The following UGGT2 variants were observed in gnomAD, a reference collection of about 807,000 sequenced individuals.
UGGT2 encodes the protein UDP-glucose glycoprotein glucosyltransferase 2, also known as UDP-glucose:glycoprotein glucosyltransferase 2.
Under a neutral mutation model 192.1 loss-of-function variants are expected in UGGT2, and 180 were observed. That is an observed-to-expected ratio of 0.94 (90% CI 0.83 to 1.06). The LOEUF (loss-of-function observed/expected upper bound fraction) is 1.06. Among genes scored for constraint, UGGT2 ranks in the 50% least tolerant of loss-of-function variants. The pLI is 0.00. For missense variants in UGGT2, 1,849 were observed against 1,795.7 expected (o/e 1.03, Z -0.54); for synonymous variants, 580 against 591.0 (o/e 0.98, Z 0.27).
In UGGT2 at chr13:96,015,468, T is replaced by C. The variant is rs545731872; in HGVS notation, c.486-1987A>G. 3.9e-5 allele frequency among the ~76,000 whole-genome samples: 6 copies of C among 152,266 alleles called. No homozygotes were observed. The South Asian group carries it at 6.2e-4, about 16-fold the overall frequency. ...CTTCCTTCCTGTACCTATAGACACA[T>C]AACTTTCAAAATTTGCTTTTATGAT... On this transcript the variant is annotated intron_variant, in intron 4 of 38. Coordinates refer to ENST00000376747, the MANE Select transcript of UGGT2 (RefSeq NM_020121.4).
At chr13:95,902,529 C>G (rs572762071) in intron 21 of UGGT2, among the ~76,000 whole-genome samples, 1 of 151,846 alleles carries the variant, frequency 6.6e-6, no homozygotes, top group East Asian at 1.9e-4. Context: ...GAAACCCCCC[C>G]CATAATGGAC....
chr13:95,887,280 T>C (rs1296242176), intron 26 of UGGT2: 1 of 516,368 alleles, frequency 1.9e-6, no homozygotes, highest in East Asian at 5.5e-5. Context: ...TACCCTGTTT[T>C]CTGCCCAATG....
At chr13:95,871,779 C>G (rs538474984) in intron 29 of UGGT2, among the ~76,000 whole-genome samples, 1 of 152,238 alleles carries the variant, frequency 6.6e-6, no homozygotes, top group African/African-American at 2.4e-5. Context: ...ATATGGCAAC[C>G]AGGAGGTATG....
At chr13:95,946,093 T>C (rs897621423) in intron 15 of UGGT2, among the ~76,000 whole-genome samples, 1 of 152,206 alleles carries the variant, frequency 6.6e-6, no homozygotes, top group Non-Finnish European at 1.5e-5. Flanking sequence ...TGACTTTTCT[T>C]AATAACAACA....
intron 38 of UGGT2, among the ~76,000 whole-genome samples, chr13:95,827,626 T>C (rs965294413): frequency 6.6e-6 from 1 of 152,114 alleles, no homozygotes; most frequent in African/African-American, 2.4e-5. Context: ...AGCAAACTAA[T>C]ATAATGAAAA....
At chr13:96,031,264 G>A (rs2052826082) in intron 2 of UGGT2, among the ~76,000 whole-genome samples, 1 of 152,128 alleles carries the variant, frequency 6.6e-6, no homozygotes, top group Non-Finnish European at 1.5e-5. Context: ...ATTACTAGAT[G>A]CAAAATTATT....
chr13:95,850,604 A>G (rs1209276468), intron 36 of UGGT2, among the ~76,000 whole-genome samples: 1 of 152,248 alleles, frequency 6.6e-6, no homozygotes, highest in Non-Finnish European at 1.5e-5. Context: ...CGGGCCCAAC[A>G]GCATGAGCTC....
chr13:95,856,825 T>A (rs1178807381), intron 33 of UGGT2: 1 of 214,580 alleles, frequency 4.7e-6, no homozygotes, highest in African/African-American at 2.4e-5. Context: ...ATGTTTGAGA[T>A]ATATCATTAT....
rs957054393 is a variant in UGGT2, at chr13:96,017,357, C to G, written c.486-3876G>C. Among the ~76,000 whole-genome samples, 4 of 152,168 alleles carry G rather than the reference C, an allele frequency of 2.6e-5. No individual in the cohort carries two copies. In the East Asian group the frequency reaches 7.7e-4, roughly 29 times the overall value. On this transcript the variant is annotated intron_variant, in intron 4 of 38. Transcript: ENST00000376747. ...GTTGAAATGCAATTCCCAGGGGCCC[C>G]CCTTACTCTCTTGCTCATGCTCTCA...
At chr13:95,892,229 A>T (rs1462790006) in intron 24 of UGGT2, among the ~76,000 whole-genome samples, 1 of 152,142 alleles carries the variant, frequency 6.6e-6, no homozygotes, top group Non-Finnish European at 1.5e-5. Context: ...AGTTGTATGA[A>T]GCAGAATTCC....
chr13:95,919,610 C>A (rs183696749), intron 20 of UGGT2, among the ~76,000 whole-genome samples: 3 of 151,868 alleles, frequency 2.0e-5, no homozygotes, highest in Non-Finnish European at 2.9e-5. Context: ...ACAATTGCTA[C>A]AAAATGAATA....
chr13:95,972,809 A>G lies in UGGT2; in HGVS notation c.1093-138T>C, dbSNP rs2050817521. 6 of 606,166 alleles carry G rather than the reference A, an allele frequency of 9.9e-6. No individual in the cohort carries two copies. The South Asian group carries it at 1.1e-4, about 11-fold the overall frequency. The allele number at this position is 606,166 out of a possible 1,614,324, so 37.5% of individuals were successfully genotyped here. A position where few individuals can be genotyped will look rare whatever the true frequency, so the allele number is the denominator to read the frequency against. Reference sequence around the variant, plus strand: ...AGGCCATACAGTCTCTGTTGCAATTATTGATCTCTGCCTTTGTATCTTTAG... The same window carrying G: ...AGGCCATACAGTCTCTGTTGCAATTGTTGATCTCTGCCTTTGTATCTTTAG... On this transcript the variant is annotated intron_variant, in intron 10 of 38. Coordinates refer to ENST00000376747, the MANE Select transcript of UGGT2 (RefSeq NM_020121.4).
intron 7 of UGGT2, among the ~76,000 whole-genome samples, chr13:95,993,053 T>C (rs149846055): frequency 8.3e-4 from 127 of 152,218 alleles, no homozygotes; most frequent in African/African-American, 2.8e-3. Context: ...AAAAAGACAA[T>C]GGGATACATA....
rs1478487624 is a variant in UGGT2 at position 95,832,970 on chromosome 13, TATCTC to T, written c.4480_4484del (p.Glu1494LysfsTer8). ...TTTCAAGATGATCTAATAGTTGTCT[TATCTC>T]AGCATCATACTCCACCCATTCTGGG... On this transcript the variant is annotated frameshift_variant, in exon 38 of 39. Transcript: ENST00000376747. LOFTEE classifies it high-confidence loss of function. The T allele has an allele frequency of 6.2e-7, 1 of 1,612,802 alleles. No individual in the cohort carries two copies. The highest frequency in any genetic ancestry group is 1.7e-5 in the Admixed American group (1 of 59,908).
chr13:95,909,779 T>TAAA (rs1174123842), intron 20 of UGGT2, among the ~76,000 whole-genome samples: 4 of 87,334 alleles, frequency 4.6e-5, no homozygotes, highest in East Asian at 2.8e-4. Context: ...ATAATAATAA[T>TAAA]AAAAAAGATT....
At chr13:96,023,380 A>C (rs370050635) in intron 3 of UGGT2, among the ~76,000 whole-genome samples, 1 of 152,104 alleles carries the variant, frequency 6.6e-6, no homozygotes, top group East Asian at 1.9e-4. Flanking sequence ...AATTCTATTA[A>C]AATTTTATGA....
In UGGT2 at chr13:96,048,531, A is replaced by T. The variant is rs145287327; in HGVS notation, c.158+4624T>A. 3.3e-5 allele frequency among the ~76,000 whole-genome samples: 5 copies of T among 152,006 alleles called. No homozygotes were observed. In the South Asian group the frequency reaches 1.0e-3, roughly 32 times the overall value. ...AGACACAAGAAAACCATTCAAAAAA[A>T]TATCAATGAATTCAGGAGCTGGTTT... On this transcript the variant is annotated intron_variant, in intron 1 of 38. Transcript: ENST00000376747.
At chr13:95,891,760 A>G (rs2047807092) in intron 24 of UGGT2, among the ~76,000 whole-genome samples, 1 of 152,184 alleles carries the variant, frequency 6.6e-6, no homozygotes, top group Non-Finnish European at 1.5e-5. Flanking sequence ...AAAGGTTACC[A>G]AATCAAGAGG....
intron 36 of UGGT2, among the ~76,000 whole-genome samples, chr13:95,849,936 T>TC (rs1491460258): frequency 1.3e-5 from 2 of 150,830 alleles, no homozygotes; most frequent in Non-Finnish European, 3.0e-5. Flanking sequence ...GTTTTTTTTT[T>TC]TGGTCATTTT....
Sources: allele counts gnomAD v4.1 joint callset (sites outside exome capture counted in the v4.1 genomes callset), GRCh38; gene constraint gnomAD v4.1.1; transcripts MANE v1.5; gene names NCBI Gene and HGNC (gene_info 2026-07-23, HGNC 2026-07-21).